The following SPOPL variants were observed in gnomAD, a reference collection of about 807,000 sequenced individuals.
SPOPL encodes speckle-type POZ protein-like.
In SPOPL, 23 loss-of-function variants were observed where a neutral mutation model predicts 53.8. The ratio of observed to expected loss-of-function variants is 0.43; its 90% CI spans 0.31 to 0.61. The LOEUF (loss-of-function observed/expected upper bound fraction) is 0.61, where lower values mean the gene tolerates loss of function less well. SPOPL is among the 20% of genes least tolerant of loss of function. The pLI is 0.12. For synonymous variants in SPOPL, 164 were observed against 149.7 expected (o/e 1.10, Z -0.70); for missense variants, 442 against 466.9 (o/e 0.95, Z 0.49).
chr2:138,533,651 G>A (rs934004214), intron 1 of SPOPL, among the ~76,000 whole-genome samples: 4 of 151,536 alleles, frequency 2.6e-5, no homozygotes, highest in Non-Finnish European at 5.9e-5. Flanking sequence ...ATTCTCCCTG[G>A]TACAGTCTTA....
Position 138,560,931 on chromosome 2 carries a change from A to G in SPOPL, c.837+4A>G. 1 of 1,607,746 alleles carries G rather than the reference A, an allele frequency of 6.2e-7. No homozygotes were observed. The highest frequency in any genetic ancestry group is 1.1e-5 in the South Asian group (1 of 88,722). On this transcript the variant is annotated splice_donor_region_variant and intron_variant, in intron 8 of 10. Transcript: ENST00000280098. ...CTTGTTGGCAGCTGCAGACAAAGTAAGTAATTAGGTCTTAAGGAACCAAAA... is the reference window on the plus strand; with the variant it reads ...CTTGTTGGCAGCTGCAGACAAAGTAGGTAATTAGGTCTTAAGGAACCAAAA...
chr2:138,559,266 C>T lies in SPOPL; in HGVS notation c.659-16C>T, dbSNP rs542759205. 1 of 1,612,048 alleles carries T rather than the reference C, an allele frequency of 6.2e-7. No homozygotes were observed. On this transcript the variant is annotated splice_polypyrimidine_tract_variant and intron_variant, in intron 6 of 10. Coordinates refer to ENST00000280098, the MANE Select transcript of SPOPL (RefSeq NM_001001664.3). ...TGCATTTATGCATAAAATAATGATA[C>T]ATAATCTTGTTACAGCTCGATCTCC...
chr2:138,546,683 T>C (rs529636104), intron 1 of SPOPL, among the ~76,000 whole-genome samples: 1 of 152,296 alleles, frequency 6.6e-6, no homozygotes, highest in East Asian at 1.9e-4. Context: ...GGAAAGAGCA[T>C]TGACTTTGGA....
intron 1 of SPOPL, among the ~76,000 whole-genome samples, chr2:138,534,889 A>G (rs10201100): frequency 0.49 from 74,237 of 152,198 alleles, 22,143 homozygotes; most frequent in Non-Finnish European, 0.67. Flanking sequence ...CACTTAGCAT[A>G]ATGTTTTCAA....
intron 1 of SPOPL, among the ~76,000 whole-genome samples, chr2:138,507,019 GA>G (rs1684228580): frequency 6.6e-6 from 1 of 152,164 alleles, no homozygotes; most frequent in African/African-American, 2.4e-5. Flanking sequence ...GCAATAGACT[GA>G]AAAAGAAGGG....
At chr2:138,539,416 T>G (rs1246201161) in intron 1 of SPOPL, among the ~76,000 whole-genome samples, 2 of 151,864 alleles carry the variant, frequency 1.3e-5, no homozygotes, top group Admixed American at 6.6e-5. Flanking sequence ...CACCTGTTGT[T>G]TCCTGACTTT....
intron 1 of SPOPL, among the ~76,000 whole-genome samples, chr2:138,537,980 C>T (rs1016839224): frequency 5.3e-4 from 80 of 152,058 alleles, no homozygotes; most frequent in Admixed American, 2.6e-3. Flanking sequence ...TTTTCGGTTT[C>T]CTCTTGAGTC....
intron 1 of SPOPL, among the ~76,000 whole-genome samples, chr2:138,541,651 G>A (rs546192233): frequency 8.6e-5 from 13 of 151,926 alleles, no homozygotes; most frequent in East Asian, 1.9e-4. Context: ...TCTTGCTAGC[G>A]GTCTATCAAT....
intron 1 of SPOPL, among the ~76,000 whole-genome samples, chr2:138,542,264 A>G (rs1156635991): frequency 6.6e-6 from 1 of 152,112 alleles, no homozygotes; most frequent in East Asian, 1.9e-4. Context: ...CTTGGTGCAG[A>G]GCTGAGTTCA....
At position 138,569,054 on chromosome 2, in the gene SPOPL, C is replaced by T. The variant is rs938659010; in HGVS notation, c.1153C>T (p.Pro385Ser). The T allele has an allele frequency of 1.9e-6, 3 of 1,613,620 alleles. No individual in the cohort carries two copies. Among genetic ancestry groups the T allele is most frequent in the Non-Finnish European group, 2.5e-6 (3 of 1,179,852 alleles). ...ASAQCPQFGI[P>S]RKRLKQS is the part of the protein sequence containing the mutation. ...TGCACAGTGTCCACAGTTTGGCATT[C>T]CACGCAAACGGCTAAAACAGTCCTG... Residue 385 changes from proline (P) to serine (S), a missense_variant, in exon 11 of 11, where the codon CCA becomes TCA. Coordinates refer to ENST00000280098, the MANE Select transcript of SPOPL (RefSeq NM_001001664.3).
chr2:138,560,407 C>G (rs1352907865), intron 7 of SPOPL, among the ~76,000 whole-genome samples: 2 of 151,456 alleles, frequency 1.3e-5, no homozygotes, highest in African/African-American at 4.8e-5. Context: ...AAACTTAACA[C>G]AGATGTATTT....
chr2:138,511,849 G>A (rs1204756516), intron 1 of SPOPL, among the ~76,000 whole-genome samples: 1 of 152,168 alleles, frequency 6.6e-6, no homozygotes, highest in Admixed American at 6.5e-5. Context: ...AGAGCATAGA[G>A]ACTAGGAGCA....
intron 5 of SPOPL, chr2:138,554,430 C>T (rs1685379271): frequency 8.2e-7 from 1 of 1,225,820 alleles, no homozygotes; most frequent in Non-Finnish European, 1.1e-6. Context: ...GATGCCCTTC[C>T]TTCTACAGAA....
At chr2:138,564,554 AC>A in intron 8 of SPOPL, 153 bp from the exon 9 acceptor site, 1 of 799,382 alleles carries the variant, frequency 1.3e-6, no homozygotes, top group Non-Finnish European at 1.8e-6. Flanking sequence ...GTTTATATTT[AC>A]TTCGTATTAG....
At chr2:138,554,457 C>T (rs1314336405) in intron 5 of SPOPL, 2 of 1,270,274 alleles carry the variant, frequency 1.6e-6, no homozygotes, top group Non-Finnish European at 2.1e-6. Context: ...GCACTGCTTG[C>T]AGAAGAGGAG....
intron 1 of SPOPL, among the ~76,000 whole-genome samples, chr2:138,541,533 A>T (rs1229647957): frequency 2.0e-5 from 3 of 152,084 alleles, no homozygotes; most frequent in Non-Finnish European, 4.4e-5. Flanking sequence ...ATTTGCATAG[A>T]GGTGTTTATA....
At position 138,502,045 on chromosome 2, in the gene SPOPL, A is replaced by G. The variant is rs1446145676; in HGVS notation, c.-135A>G. 3 of 152,772 alleles carry G rather than the reference A, an allele frequency of 2.0e-5. No homozygotes were observed. The highest frequency in any genetic ancestry group is 7.2e-5 in the African/African-American group (3 of 41,456). 9.5% of individuals were successfully genotyped at this position (152,772 alleles called of 1,614,324 possible). ...GCCACCACCGCAGCCTCGGGCTCCC[A>G]GGGCGGACACGGCCACCGCCTCAGC... On this transcript the variant is annotated 5_prime_UTR_variant, in exon 1 of 11. Coordinates refer to ENST00000280098, the MANE Select transcript of SPOPL (RefSeq NM_001001664.3).
At chr2:138,554,597 C>CAGT (rs1444267407) in intron 5 of SPOPL, 2 of 1,086,190 alleles carry the variant, frequency 1.8e-6, no homozygotes, top group East Asian at 1.4e-4. Flanking sequence ...AAGTTCCCTA[C>CAGT]AGTGGTTAAA....
intron 1 of SPOPL, among the ~76,000 whole-genome samples, chr2:138,531,631 T>A (rs974520726): frequency 3.9e-5 from 6 of 152,186 alleles, no homozygotes; most frequent in Non-Finnish European, 8.8e-5. Flanking sequence ...TTAGTGAAAA[T>A]ACCTTCATTG....
Sources: gnomAD v4.1 joint callset for allele counts (sites outside exome capture counted in the v4.1 genomes callset) on GRCh38, gnomAD v4.1.1 for gene constraint, MANE v1.5 for transcripts, NCBI Gene and HGNC (gene_info 2026-07-23, HGNC 2026-07-21) for gene names.